Variants in TRIM16 observed in about 807,000 individuals in gnomAD.
TRIM16 encodes tripartite motif containing 16, also known as tripartite motif-containing protein 16.
A neutral mutation model predicts 50.4 loss-of-function variants in TRIM16; 33 were observed. That is an observed-to-expected ratio of 0.65 (90% CI 0.50 to 0.88). TRIM16 has a LOEUF of 0.88. Ranked by LOEUF, TRIM16 falls within the 40% of genes least tolerant of loss-of-function variation. The probability of loss-of-function intolerance (pLI) is 0.00; values close to 1 mark genes in which losing one functional copy is unlikely to be tolerated. For missense variants in TRIM16, 581 were observed against 686.8 expected (o/e 0.85, Z 1.72); for synonymous variants, 229 against 270.7 (o/e 0.85, Z 1.51).
At chr17:15,633,060 G>C (rs1198019976) in intron 9 of TRIM16, 1 of 156,766 alleles carries the variant, frequency 6.4e-6, no homozygotes, top group African/African-American at 2.4e-5. Context: ...AGAAAATGGA[G>C]GAGCTCTCAG....
intron 11 of TRIM16, among the ~76,000 whole-genome samples, chr17:15,630,693 G>A (rs1042024300): frequency 2.0e-5 from 3 of 150,408 alleles, no homozygotes; most frequent in African/African-American, 7.4e-5. Context: ...GGTGGCATGC[G>A]CCTGTGGTCC....
chr17:15,669,103 G>C (rs1988620954), intron 6 of TRIM16, among the ~76,000 whole-genome samples: 1 of 151,768 alleles, frequency 6.6e-6, no homozygotes. Context: ...ATAAAATCTT[G>C]ATAGTATCCA....
At chr17:15,671,925 GAA>G (rs1988746887) in intron 6 of TRIM16, among the ~76,000 whole-genome samples, 2 of 152,172 alleles carry the variant, frequency 1.3e-5, no homozygotes, top group Non-Finnish European at 2.9e-5. Context: ...CTTGCAAAAT[GAA>G]AAGAGTGATA....
intron 6 of TRIM16, among the ~76,000 whole-genome samples, chr17:15,676,401 A>C (rs1487949485): frequency 6.7e-6 from 1 of 149,582 alleles, no homozygotes; most frequent in African/African-American, 2.5e-5. Context: ...ATTCACCTAC[A>C]CATCCAGACC....
Position 15,632,492 on chromosome 17 carries a change from C to G in TRIM16, c.1015+17G>C. The G allele has an allele frequency of 1.9e-6, 3 of 1,606,214 alleles. No homozygotes were observed. The highest frequency in any genetic ancestry group is 2.6e-6 in the Non-Finnish European group (3 of 1,175,656). ...GAGACACACTCACTATAGTCCATGG[C>G]CCAGAATGCGTCTCACCTTCCTTGG... is the stretch of plus-strand genomic sequence containing the variant. On this transcript the variant is annotated intron_variant, in intron 10 of 11. Coordinates refer to ENST00000649191, the MANE Select transcript of TRIM16 (RefSeq NM_001348119.1).
At chr17:15,643,111 G>A in intron 7 of TRIM16, 1 of 1,112,932 alleles carries the variant, frequency 9.0e-7, no homozygotes, top group South Asian at 1.8e-5. Flanking sequence ...CATACTAGCT[G>A]TAAACCAGAA....
At chr17:15,675,534 T>C (rs151140111) in intron 6 of TRIM16, 3,958 of 170,206 alleles carry the variant, frequency 0.023, 179 homozygotes, top group African/African-American at 0.091. Context: ...ACAAAACATA[T>C]AAAGGTCTAC....
chr17:15,647,141 A>AT (rs571772073), intron 7 of TRIM16, among the ~76,000 whole-genome samples: 3,178 of 141,214 alleles, frequency 0.023, 57 homozygotes, highest in Middle Eastern at 0.096. Flanking sequence ...TAATTTTTGT[A>AT]TTTTTTTTTT....
intron 4 of TRIM16, 114 bp from the exon 5 acceptor site, chr17:15,677,835 A>C: frequency 1.1e-6 from 1 of 874,048 alleles, no homozygotes; most frequent in Non-Finnish European, 1.4e-6. Context: ...CGTATATTAA[A>C]GAATCTTAAA....
At chr17:15,664,248 G>C in intron 6 of TRIM16, among the ~76,000 whole-genome samples, 1 of 152,216 alleles carries the variant, frequency 6.6e-6, no homozygotes, top group East Asian at 1.9e-4. Flanking sequence ...ACTCAAAACA[G>C]AGCACGTAGC....
intron 6 of TRIM16, among the ~76,000 whole-genome samples, chr17:15,655,329 G>A (rs969495133): frequency 6.6e-6 from 1 of 152,168 alleles, no homozygotes; most frequent in African/African-American, 2.4e-5. Context: ...CATCCTGCTT[G>A]GGTTTCCACG....
At chr17:15,653,008 G>A (rs1458546260) in intron 6 of TRIM16, among the ~76,000 whole-genome samples, 1 of 152,156 alleles carries the variant, frequency 6.6e-6, no homozygotes, top group Non-Finnish European at 1.5e-5. Flanking sequence ...GCTGAGATTT[G>A]ATCCCCAATA....
At chr17:15,632,021 G>C (rs1986451163) in intron 10 of TRIM16, 2 of 386,616 alleles carry the variant, frequency 5.2e-6, no homozygotes, top group Non-Finnish European at 9.6e-6. Context: ...CCTTCTTTGG[G>C]TCTCAATTGT....
chr17:15,684,045 G>C (rs2151434754), intron 1 of TRIM16, 151 bp downstream of exon 1: 1 of 152,382 alleles, frequency 6.6e-6, no homozygotes, highest in South Asian at 2.1e-4. Context: ...AAAACCCAAA[G>C]ACACGCTCCA....
intron 9 of TRIM16, among the ~76,000 whole-genome samples, chr17:15,635,482 CT>C (rs2150901408): frequency 6.8e-6 from 1 of 146,232 alleles, no homozygotes; most frequent in Non-Finnish European, 1.5e-5. Flanking sequence ...AGCATTTGCT[CT>C]TCTGAGCCCT....
At position 15,632,929 on chromosome 17, in the gene TRIM16, C is replaced by A. The variant is rs576054182; in HGVS notation, c.850-255G>T. On this transcript the variant is annotated intron_variant, in intron 9 of 11. Coordinates refer to ENST00000649191, the MANE Select transcript of TRIM16 (RefSeq NM_001348119.1). ...ATGGGATTTTAAAAATCAAGATGTA[C>A]TAGATGGCCATGAACAGCTCCAATA... is the stretch of plus-strand genomic sequence containing the variant. The A allele has an allele frequency of 5.8e-4, 222 of 384,204 alleles. 2 individuals carry two copies. The highest frequency in any genetic ancestry group is 5.2e-3 in the Middle Eastern group (7 of 1,336). The allele number at this position is 384,204 out of a possible 1,614,324, so 23.8% of individuals were successfully genotyped here. A position where few individuals can be genotyped will look rare whatever the true frequency, so the allele number is the denominator to read the frequency against.
intron 4 of TRIM16, among the ~76,000 whole-genome samples, chr17:15,680,038 C>T (rs1391752764): frequency 6.6e-6 from 1 of 151,824 alleles, no homozygotes; most frequent in African/African-American, 2.4e-5. Flanking sequence ...TGGAACAACA[C>T]CTCTGTGATT....
intron 8 of TRIM16, 44 bp from the exon 9 acceptor site, chr17:15,636,313 G>A (rs1323834002): frequency 6.3e-7 from 1 of 1,592,528 alleles, no homozygotes; most frequent in South Asian, 1.1e-5. Context: ...ATTTCTTAGT[G>A]AGGCATCCAA....
intron 6 of TRIM16, chr17:15,658,994 C>A: frequency 2.2e-6 from 1 of 458,088 alleles, no homozygotes; most frequent in Non-Finnish European, 2.9e-6. Context: ...TGCTCCTAGT[C>A]TCAGAACACG....
Sources: allele counts gnomAD v4.1 joint callset (sites outside exome capture counted in the v4.1 genomes callset), GRCh38; gene constraint gnomAD v4.1.1; transcripts MANE v1.5; gene names NCBI Gene and HGNC (gene_info 2026-07-23, HGNC 2026-07-21).